STT3B: variants seen among roughly 807,000 people sequenced by gnomAD.
STT3B encodes STT3 oligosaccharyltransferase complex catalytic subunit B, also known as dolichyl-diphosphooligosaccharide--protein glycosyltransferase subunit STT3B.
STT3B carries 29 observed loss-of-function variants against 96.8 expected under a neutral mutation model. That is an observed-to-expected ratio of 0.30 (90% confidence interval 0.22 to 0.41). The LOEUF is 0.41. Among genes scored for constraint, STT3B ranks in the 10% least tolerant of loss-of-function variants. The probability of loss-of-function intolerance (pLI) is 1.00; values close to 1 mark genes in which losing one functional copy is unlikely to be tolerated. For synonymous variants in STT3B, 367 were observed against 360.0 expected (o/e 1.02, Z -0.22); for missense variants, 640 against 1,022.3 (o/e 0.63, Z 5.10).
At chr3:31,533,555 C>G in intron 1 of STT3B, 1 of 378,318 alleles carries the variant, frequency 2.6e-6, no homozygotes, top group Non-Finnish European at 4.3e-6. Flanking sequence ...CTCGGCCGGG[C>G]TAGTGTGAAG....
chr3:31,575,409 G>A (rs1387555550), intron 1 of STT3B, among the ~76,000 whole-genome samples: 2 of 151,390 alleles, frequency 1.3e-5, no homozygotes, highest in African/African-American at 2.4e-5. Context: ...TTTTCTATTT[G>A]TTGATTTTGA....
At position 31,622,222 on chromosome 3, in the gene STT3B, G is replaced by T; in HGVS notation, c.1453G>T (p.Gly485Trp). Residue 485 changes from glycine (G) to tryptophan (W), a missense_variant, in exon 10 of 16, where the codon GGG becomes TGG. By Grantham distance (184) the Gly-to-Trp change is radical. Coordinates refer to ENST00000295770, the MANE Select transcript of STT3B (RefSeq NM_178862.3). ...AFSNVFEHYL[G>W]DDMKRENPPV... Reference sequence around the variant, plus strand: ...TTCAAATGTTTTTGAGCACTATTTGGGGGATGACATGAAAAGGGAAAATCC... The same window carrying T: ...TTCAAATGTTTTTGAGCACTATTTGTGGGATGACATGAAAAGGGAAAATCC... 1 of 1,614,060 alleles carries T rather than the reference G, an allele frequency of 6.2e-7. No individual in the cohort carries two copies. The highest frequency in any genetic ancestry group is 1.3e-5 in the African/African-American group (1 of 75,020).
chr3:31,599,870 G>T (rs1352241970), intron 4 of STT3B, among the ~76,000 whole-genome samples: 2 of 152,060 alleles, frequency 1.3e-5, no homozygotes, highest in East Asian at 3.9e-4. Context: ...AGCACTTTTA[G>T]TTTTGAGAAT....
At chr3:31,614,890 G>A (rs1699270957) in intron 5 of STT3B, among the ~76,000 whole-genome samples, 1 of 151,884 alleles carries the variant, frequency 6.6e-6, no homozygotes, top group African/African-American at 2.4e-5. Context: ...GTAATGATCT[G>A]CAAAATATAG....
chr3:31,629,587 GAAAAT>G lies in STT3B; in HGVS notation c.2187+182_2187+186del, dbSNP rs993904178. Among the ~76,000 whole-genome samples, 9 of 152,196 alleles carry G rather than the reference GAAAAT, an allele frequency of 5.9e-5. No individual in the cohort carries two copies. The Middle Eastern group carries it at 0.01, about 173-fold the overall frequency. ...TCTGAAACTAATATGTGAGAAATTA[GAAAAT>G]AAAATTTTAGATCAAGGACTTCTTT... On this transcript the variant is annotated intron_variant, in intron 14 of 15. Transcript: ENST00000295770.
intron 3 of STT3B, among the ~76,000 whole-genome samples, chr3:31,582,300 C>CTTT (rs11430589): frequency 2.2e-5 from 3 of 139,284 alleles, no homozygotes; most frequent in East Asian, 2.1e-4. Context: ...TTCTTTCCTT[C>CTTT]TTTTTTTTTT....
At chr3:31,557,139 T>C (rs1697738539) in intron 1 of STT3B, among the ~76,000 whole-genome samples, 1 of 152,186 alleles carries the variant, frequency 6.6e-6, no homozygotes, top group Non-Finnish European at 1.5e-5. Context: ...TATTGAAGAC[T>C]ATGTCCTTTC....
At chr3:31,633,396 GACTT>G (rs748971834) in intron 15 of STT3B, among the ~76,000 whole-genome samples, 5 of 152,270 alleles carry the variant, frequency 3.3e-5, no homozygotes, top group Non-Finnish European at 5.9e-5. Context: ...CCATTAGTAA[GACTT>G]ACTTGTAAAG....
chr3:31,565,851 C>G (rs1396939289), intron 1 of STT3B, among the ~76,000 whole-genome samples: 1 of 152,196 alleles, frequency 6.6e-6, no homozygotes, highest in African/African-American at 2.4e-5. Context: ...TTAGACTTCT[C>G]TGTCCTTTTA....
intron 3 of STT3B, among the ~76,000 whole-genome samples, chr3:31,584,792 A>G (rs996670432): frequency 1.3e-5 from 2 of 152,032 alleles, no homozygotes; most frequent in African/African-American, 2.4e-5. Flanking sequence ...GGCATAAAAT[A>G]CTCTCTGACT....
At chr3:31,592,178 G>T (rs1186142543) in intron 3 of STT3B, among the ~76,000 whole-genome samples, 1 of 152,060 alleles carries the variant, frequency 6.6e-6, no homozygotes, top group African/African-American at 2.4e-5. Context: ...CTATGATTTT[G>T]ACTAAATACT....
At chr3:31,619,606 AT>A in intron 8 of STT3B, 69 bp from the exon 9 acceptor site, 1 of 1,341,918 alleles carries the variant, frequency 7.5e-7, no homozygotes, top group South Asian at 1.3e-5. Context: ...ACCAAACAAG[AT>A]TTCTTCATCT....
chr3:31,623,934 A>T (rs1038034306), intron 11 of STT3B, 73 bp downstream of exon 11: 11 of 1,253,376 alleles, frequency 8.8e-6, no homozygotes, highest in Non-Finnish European at 1.1e-5. Flanking sequence ...GGATATAATT[A>T]AAAAATAGAA....
At chr3:31,537,440 G>A (rs1348249424) in intron 1 of STT3B, among the ~76,000 whole-genome samples, 2 of 149,902 alleles carry the variant, frequency 1.3e-5, no homozygotes, top group East Asian at 1.9e-4. Flanking sequence ...CTTCAGACCA[G>A]GTATCACTGT....
At chr3:31,619,562 TAAG>T in intron 8 of STT3B, 111 bp from the exon 9 acceptor site, 2 of 827,640 alleles carry the variant, frequency 2.4e-6, no homozygotes, top group Non-Finnish European at 3.7e-6. Flanking sequence ...TATATTTAAA[TAAG>T]AAGGGGTAGG....
At chr3:31,546,191 C>T (rs1207343071) in intron 1 of STT3B, among the ~76,000 whole-genome samples, 6 of 152,178 alleles carry the variant, frequency 3.9e-5, no homozygotes, top group Non-Finnish European at 1.5e-5. Context: ...AAATATACCA[C>T]TCCAAAACTT....
intron 3 of STT3B, 78 bp from the exon 4 acceptor site, chr3:31,596,720 A>G: frequency 8.9e-7 from 1 of 1,126,698 alleles, no homozygotes; most frequent in Non-Finnish European, 1.3e-6. Context: ...GCCTGTGGTT[A>G]CCAAACATTT....
intron 3 of STT3B, 140 bp from the exon 4 acceptor site, chr3:31,596,658 C>G (rs1449735230): frequency 1.6e-6 from 1 of 631,188 alleles, no homozygotes; most frequent in Non-Finnish European, 2.8e-6. Flanking sequence ...TGAAGTATGT[C>G]TGCATATCTG....
Position 31,533,052 on chromosome 3 carries a change from C to T in STT3B, c.54C>T (p.Ser18=). Residue 18 remains serine (S), a synonymous_variant, in exon 1 of 16, where the codon TCC becomes TCT. Coordinates refer to ENST00000295770, the MANE Select transcript of STT3B (RefSeq NM_178862.3). ...AGCACAAGTCGTCCCTCAACTCGTC[C>T]CCGTGGAGTGGCCTCATGGCCCTGG... ...ESKHKSSLNS[S]PWSGLMALGN... is the part of the protein sequence containing the mutation. 3.2e-6 allele frequency: 5 copies of T among 1,583,934 alleles called. No individual in the cohort carries two copies. Among genetic ancestry groups the T allele is most frequent in the Non-Finnish European group, 4.3e-6 (5 of 1,166,896 alleles).
Sources: allele counts gnomAD v4.1 joint callset (sites outside exome capture counted in the v4.1 genomes callset), GRCh38; gene constraint gnomAD v4.1.1; transcripts MANE v1.5; gene names NCBI Gene and HGNC (gene_info 2026-07-23, HGNC 2026-07-21).